Variants in CSMD1 observed in about 807,000 individuals in gnomAD.
The protein encoded by CSMD1 is CUB and sushi domain-containing protein 1.
In CSMD1, 213 loss-of-function variants were observed where a neutral mutation model predicts 417.5. The observed-to-expected ratio is 0.51, with a 90% CI of 0.46 to 0.57. The LOEUF is 0.57. Ranked by LOEUF, CSMD1 falls within the 20% of genes least tolerant of loss-of-function variation. CSMD1 has a pLI of 0.00. For synonymous variants in CSMD1, 2,862 were observed against 1,736.8 expected, an observed-to-expected ratio of 1.65 and a Z score of -16.11; for missense variants, 6,923 against 4,529.7, an observed-to-expected ratio of 1.53 and a Z score of -15.17.
intron 54 of CSMD1, among the ~76,000 whole-genome samples, chr8:2,983,231 T>C (rs755404966): frequency 1.3e-5 from 2 of 152,090 alleles, no homozygotes; most frequent in Non-Finnish European, 2.9e-5. Context: ...CTGTCTCCCA[T>C]GCTGGAGTGC....
At chr8:3,225,945 A>C (rs1002091180) in intron 27 of CSMD1, among the ~76,000 whole-genome samples, 3 of 152,218 alleles carry the variant, frequency 2.0e-5, no homozygotes, top group Non-Finnish European at 4.4e-5. Context: ...AAATCCACCT[A>C]TTCTTTTCGA....
chr8:4,333,764 A>G (rs1800005913), intron 3 of CSMD1, among the ~76,000 whole-genome samples: 1 of 152,160 alleles, frequency 6.6e-6, no homozygotes, highest in South Asian at 2.1e-4. Context: ...TGCCACGGGT[A>G]GGTAGCCTTG....
At chr8:3,721,340 T>G (rs1802162148) in intron 6 of CSMD1, among the ~76,000 whole-genome samples, 1 of 152,144 alleles carries the variant, frequency 6.6e-6, no homozygotes, top group Admixed American at 6.5e-5. Context: ...CTGTGGATTT[T>G]TACTAGTGAC....
chr8:3,179,094 C>A (rs543270147), intron 37 of CSMD1, among the ~76,000 whole-genome samples: 4 of 151,780 alleles, frequency 2.6e-5, no homozygotes, highest in South Asian at 2.1e-4. Flanking sequence ...ACTACAGGCC[C>A]GCCACCACGC....
At chr8:3,157,331 C>T (rs1351955884) in intron 39 of CSMD1, among the ~76,000 whole-genome samples, 1 of 152,172 alleles carries the variant, frequency 6.6e-6, no homozygotes, top group African/African-American at 2.4e-5. Context: ...ACTCCCATCA[C>T]ATTACCTATG....
intron 1 of CSMD1, among the ~76,000 whole-genome samples, chr8:4,744,659 T>C (rs964606013): frequency 1.3e-5 from 2 of 152,166 alleles, no homozygotes; most frequent in Non-Finnish European, 2.9e-5. Context: ...ATTTTGAAAA[T>C]GACCAGTCTC....
chr8:3,294,433 G>C (rs1285202930), intron 25 of CSMD1, among the ~76,000 whole-genome samples: 2 of 152,218 alleles, frequency 1.3e-5, no homozygotes, highest in African/African-American at 2.4e-5. Flanking sequence ...GGAGTCTACA[G>C]AGGCAGGCAG....
intron 10 of CSMD1, among the ~76,000 whole-genome samples, chr8:3,503,996 A>G (rs1221781596): frequency 6.6e-6 from 1 of 152,166 alleles, no homozygotes; most frequent in Non-Finnish European, 1.5e-5. Flanking sequence ...AAGTCCAGCT[A>G]GATAGGTGCA....
intron 25 of CSMD1, among the ~76,000 whole-genome samples, chr8:3,299,152 T>G (rs2117327628): frequency 6.6e-6 from 1 of 152,068 alleles, no homozygotes; most frequent in Non-Finnish European, 1.5e-5. Context: ...GTAAAGGAAG[T>G]TAAAAAAAAT....
At chr8:4,649,866 T>G (rs1318452848) in intron 1 of CSMD1, among the ~76,000 whole-genome samples, 1 of 152,166 alleles carries the variant, frequency 6.6e-6, no homozygotes, top group Non-Finnish European at 1.5e-5. Flanking sequence ...TAAAAGAGGT[T>G]TGGAATTTCA....
intron 5 of CSMD1, among the ~76,000 whole-genome samples, chr8:3,813,244 C>T: frequency 6.6e-6 from 1 of 152,004 alleles, no homozygotes; most frequent in Non-Finnish European, 1.5e-5. Flanking sequence ...GTCCTGTCAT[C>T]ATTAAGATAG....
intron 1 of CSMD1, among the ~76,000 whole-genome samples, chr8:4,951,760 C>A (rs767100116): frequency 6.6e-6 from 1 of 151,654 alleles, no homozygotes; most frequent in African/African-American, 2.4e-5. Flanking sequence ...TCCACCCACA[C>A]CCCCTACCTT....
At chr8:4,268,315 T>G (rs1314688153) in intron 3 of CSMD1, among the ~76,000 whole-genome samples, 1 of 152,092 alleles carries the variant, frequency 6.6e-6, no homozygotes, top group Non-Finnish European at 1.5e-5. Flanking sequence ...ATAAAACCAT[T>G]ATGACCTGAA....
intron 26 of CSMD1, among the ~76,000 whole-genome samples, chr8:3,230,938 T>C (rs1412945070): frequency 1.3e-5 from 2 of 152,208 alleles, no homozygotes; most frequent in Admixed American, 1.3e-4. Flanking sequence ...GGCTGGTGCC[T>C]GTGCTTTCAG....
intron 3 of CSMD1, among the ~76,000 whole-genome samples, chr8:4,097,570 A>G (rs918918): frequency 0.22 from 33,997 of 152,118 alleles, 4,717 homozygotes; most frequent in African/African-American, 0.38. Context: ...TACTCAGTGC[A>G]GTATGATTCT....
intron 4 of CSMD1, among the ~76,000 whole-genome samples, chr8:4,026,071 G>A (rs75752968): frequency 6.6e-6 from 1 of 150,856 alleles, no homozygotes; most frequent in Non-Finnish European, 1.5e-5. Context: ...ATAGAACTTT[G>A]GGGAAGCAGA....
chr8:3,553,614 C>G (rs1348899495), intron 10 of CSMD1, among the ~76,000 whole-genome samples: 1 of 152,212 alleles, frequency 6.6e-6, no homozygotes, highest in African/African-American at 2.4e-5. Flanking sequence ...ATGTCCCTCC[C>G]AGCATTGCTA....
intron 1 of CSMD1, among the ~76,000 whole-genome samples, chr8:4,710,513 A>C (rs1808219268): frequency 6.7e-6 from 1 of 149,382 alleles, no homozygotes; most frequent in Non-Finnish European, 1.5e-5. Context: ...TACATTGAGT[A>C]AGTGTGCCAG....
intron 54 of CSMD1, among the ~76,000 whole-genome samples, chr8:2,997,248 C>T (rs899749531): frequency 1.3e-5 from 2 of 152,220 alleles, no homozygotes; most frequent in Non-Finnish European, 2.9e-5. Context: ...CAATTTAGAC[C>T]TGAGCCAGAA....
Sources: gnomAD v4.1 joint callset for allele counts (sites outside exome capture counted in the v4.1 genomes callset) on GRCh38, gnomAD v4.1.1 for gene constraint, MANE v1.5 for transcripts, NCBI Gene and HGNC (gene_info 2026-07-23, HGNC 2026-07-21) for gene names.